GFRAL: variants seen among roughly 807,000 people sequenced by gnomAD.
The protein encoded by GFRAL is GDNF family receptor alpha-like.
A neutral mutation model predicts 45.4 loss-of-function variants in GFRAL; 36 were observed. The ratio of observed to expected loss-of-function variants is 0.79; its 90% CI spans 0.61 to 1.05. The LOEUF (loss-of-function observed/expected upper bound fraction) is 1.05. GFRAL is among the 50% of genes least tolerant of loss of function. The pLI is 0.00. For missense variants in GFRAL, 507 were observed against 467.5 expected (o/e 1.08, Z -0.78); for synonymous variants, 166 against 154.1 (o/e 1.08, Z -0.57).
chr6:55,395,175 A>AAATATATATATATAT, intron 6 of GFRAL, among the ~76,000 whole-genome samples: 251 of 123,434 alleles, frequency 2.0e-3, no homozygotes, highest in South Asian at 4.7e-3. Context: ...AAAAAAAAAA[A>AAATATATATATATAT]ATATATATAT....
chr6:55,343,309 C>G (rs151073093), intron 3 of GFRAL, among the ~76,000 whole-genome samples: 1,988 of 152,118 alleles, frequency 0.013, 23 homozygotes, highest in Non-Finnish European at 0.022. Flanking sequence ...TAAAAGAACA[C>G]AAATTATAAC....
At chr6:55,382,711 G>A (rs75516265) in intron 6 of GFRAL, among the ~76,000 whole-genome samples, 9,727 of 151,892 alleles carry the variant, frequency 0.064, 508 homozygotes, top group African/African-American at 0.14. Flanking sequence ...TAGCACCAAT[G>A]TGTCTGGGTT....
chr6:55,343,555 A>C (rs1767998735), intron 3 of GFRAL, among the ~76,000 whole-genome samples: 1 of 152,230 alleles, frequency 6.6e-6, no homozygotes, highest in Non-Finnish European at 1.5e-5. Flanking sequence ...TATAGCACTA[A>C]ATGCCCACAA....
chr6:55,377,549 AT>A (rs1768551189), intron 6 of GFRAL, among the ~76,000 whole-genome samples: 1 of 151,988 alleles, frequency 6.6e-6, no homozygotes, highest in African/African-American at 2.4e-5. Context: ...TACACTGGAG[AT>A]TTTTAGGGGC....
intron 2 of GFRAL, among the ~76,000 whole-genome samples, chr6:55,332,585 A>G (rs1280483907): frequency 6.6e-6 from 1 of 151,898 alleles, no homozygotes; most frequent in Non-Finnish European, 1.5e-5. Context: ...CACCATGCCC[A>G]GCTAATTTTT....
intron 6 of GFRAL, among the ~76,000 whole-genome samples, chr6:55,397,123 CA>C (rs1393533714): frequency 6.6e-6 from 1 of 152,104 alleles, no homozygotes; most frequent in African/African-American, 2.4e-5. Flanking sequence ...GTGATCTTCC[CA>C]ACTTAGCCTT....
At chr6:55,398,982 C>A (rs190223246) in intron 6 of GFRAL, among the ~76,000 whole-genome samples, 198 bp from the exon 7 acceptor site, 1 of 151,794 alleles carries the variant, frequency 6.6e-6, no homozygotes, top group Non-Finnish European at 1.5e-5. Flanking sequence ...AGCTTATACA[C>A]GGAAATTACC....
At chr6:55,349,924 T>C (rs1445718324) in intron 3 of GFRAL, among the ~76,000 whole-genome samples, 168 bp from the exon 4 acceptor site, 1 of 152,132 alleles carries the variant, frequency 6.6e-6, no homozygotes, top group Non-Finnish European at 1.5e-5. Context: ...TCTTCATCTA[T>C]ACCACATTAA....
chr6:55,395,175 A>ATATATATATATATATATAT (rs1554136792), intron 6 of GFRAL, among the ~76,000 whole-genome samples: 6 of 123,510 alleles, frequency 4.9e-5, no homozygotes, highest in African/African-American at 1.4e-4. Context: ...AAAAAAAAAA[A>ATATATATATATATATATAT]ATATATATAT....
intron 3 of GFRAL, among the ~76,000 whole-genome samples, chr6:55,346,165 A>G (rs1768038888): frequency 6.6e-6 from 1 of 152,168 alleles, no homozygotes; most frequent in African/African-American, 2.4e-5. Flanking sequence ...TAGAAATACC[A>G]TTTGACCCAA....
intron 6 of GFRAL, among the ~76,000 whole-genome samples, chr6:55,372,805 A>G (rs917978696): frequency 1.3e-5 from 2 of 152,096 alleles, no homozygotes; most frequent in Non-Finnish European, 2.9e-5. Flanking sequence ...TCTCTGCAAC[A>G]ATTTACCCTT....
chr6:55,338,347 T>C (rs1767917920), intron 3 of GFRAL, among the ~76,000 whole-genome samples: 1 of 152,000 alleles, frequency 6.6e-6, no homozygotes. Context: ...GCATCAAACT[T>C]CCAAAGTGCT....
At chr6:55,368,199 C>T (rs12111047) in intron 6 of GFRAL, among the ~76,000 whole-genome samples, 9,493 of 151,568 alleles carry the variant, frequency 0.063, 364 homozygotes, top group African/African-American at 0.1. Context: ...ATTTCATCTT[C>T]CATCGCTGAT....
chr6:55,368,849 G>A (rs1334748427), intron 6 of GFRAL, among the ~76,000 whole-genome samples: 1 of 152,188 alleles, frequency 6.6e-6, no homozygotes, highest in Non-Finnish European at 1.5e-5. Flanking sequence ...CTTCAAAGCT[G>A]TCAGACAGGG....
Position 55,331,802 on chromosome 6 carries a change from G to T in GFRAL, c.110G>T (p.Gly37Val). The T allele has an allele frequency of 6.2e-7, 1 of 1,611,618 alleles. No individual in the cohort carries two copies. Among genetic ancestry groups the T allele is most frequent in the Non-Finnish European group, 8.5e-7 (1 of 1,178,946 alleles). The change falls in exon 2 of 9, where the codon GGA becomes GTA. Residue 37 changes from glycine (G) to valine (V), a missense_variant. Transcript: ENST00000340465. ...GAGCAATGCTTACGTGATGCAAATG[G>T]ATGTAAACATGCTTGGAGAGTAATG... ...LREQCLRDANGCKHAWRVMED... is the reference protein window; with the variant it reads ...LREQCLRDANVCKHAWRVMED...
chr6:55,395,914 T>A (rs1768819070), intron 6 of GFRAL, among the ~76,000 whole-genome samples: 1 of 152,204 alleles, frequency 6.6e-6, no homozygotes, highest in Admixed American at 6.5e-5. Context: ...TACAAGGATT[T>A]TACAATATAG....
At chr6:55,363,808 G>T (rs1348055482) in intron 6 of GFRAL, among the ~76,000 whole-genome samples, 1 of 151,606 alleles carries the variant, frequency 6.6e-6, no homozygotes, top group African/African-American at 2.4e-5. Flanking sequence ...TGGTGCATAT[G>T]TGCCACATTT....
chr6:55,390,373 T>G (rs1044668578), intron 6 of GFRAL, among the ~76,000 whole-genome samples: 25 of 152,210 alleles, frequency 1.6e-4, no homozygotes, highest in Admixed American at 1.2e-3. Flanking sequence ...TCATGCCACA[T>G]GTAGGCAGCT....
At chr6:55,337,427 A>G (rs548018990) in intron 3 of GFRAL, among the ~76,000 whole-genome samples, 90 of 152,312 alleles carry the variant, frequency 5.9e-4, no homozygotes, top group Non-Finnish European at 6.2e-4. Context: ...TGTAAAATCA[A>G]CTGGGAAGTA....
Sources: allele counts gnomAD v4.1 joint callset (sites outside exome capture counted in the v4.1 genomes callset), GRCh38; gene constraint gnomAD v4.1.1; transcripts MANE v1.5; gene names NCBI Gene and HGNC (gene_info 2026-07-23, HGNC 2026-07-21).